The following ARHGAP22 variants were observed in gnomAD, a reference collection of about 807,000 sequenced individuals.
ARHGAP22 encodes the protein rho GTPase-activating protein 22.
In ARHGAP22, 48 loss-of-function variants were observed where a neutral mutation model predicts 59.1. The observed-to-expected ratio is 0.81, with a 90% CI of 0.64 to 1.03. ARHGAP22 has a LOEUF of 1.03. ARHGAP22 is among the 50% of genes least tolerant of loss of function. The pLI is 0.00. For synonymous variants in ARHGAP22, 445 were observed against 416.4 expected, an observed-to-expected ratio of 1.07 and a Z score of -0.84; for missense variants, 1,015 against 958.7, an observed-to-expected ratio of 1.06 and a Z score of -0.78.
intron 3 of ARHGAP22, among the ~76,000 whole-genome samples, chr10:48,533,893 C>A (rs2055101091): frequency 6.6e-6 from 1 of 152,248 alleles, no homozygotes; most frequent in African/African-American, 2.4e-5. Context: ...GAATTCTCTC[C>A]AAGATGTCTA....
intron 3 of ARHGAP22, among the ~76,000 whole-genome samples, chr10:48,531,715 G>A (rs1041517438): frequency 1.6e-4 from 24 of 151,804 alleles, no homozygotes; most frequent in African/African-American, 5.8e-4. Flanking sequence ...ATTTGCACAA[G>A]GTCACAACAG....
intron 2 of ARHGAP22, among the ~76,000 whole-genome samples, chr10:48,559,298 G>T (rs11592077): frequency 0.13 from 19,151 of 152,024 alleles, 1,595 homozygotes; most frequent in Middle Eastern, 0.27. Flanking sequence ...CAAATGTTGG[G>T]CCCTTTCCCC....
At chr10:48,493,599 C>G in intron 3 of ARHGAP22, 1 of 1,477,230 alleles carries the variant, frequency 6.8e-7, no homozygotes, top group Non-Finnish European at 9.0e-7. Flanking sequence ...AGGGCTGCGG[C>G]CACTCGGCTG....
the ARHGAP22 span, chr10:48,430,954 A>G: frequency 1.9e-6 from 1 of 525,206 alleles, no homozygotes; most frequent in Non-Finnish European, 3.4e-6. Flanking sequence ...AACCAACTTC[A>G]GAAACAGTGA....
At chr10:48,477,441 C>T (rs145728260) in intron 4 of ARHGAP22, among the ~76,000 whole-genome samples, 8 of 152,260 alleles carry the variant, frequency 5.3e-5, no homozygotes, top group African/African-American at 7.2e-5. Context: ...TAGTGTCAGG[C>T]TATCATCAAT....
At chr10:48,437,404 G>A in the ARHGAP22 span, 5 of 151,910 alleles carry the variant, frequency 3.3e-5, no homozygotes, top group African/African-American at 1.2e-4. Flanking sequence ...GGTAGTACTT[G>A]TATGAAACCA....
chr10:48,559,650 A>T (rs1366981206), intron 2 of ARHGAP22, among the ~76,000 whole-genome samples: 5 of 152,194 alleles, frequency 3.3e-5, no homozygotes, highest in Admixed American at 6.5e-5. Flanking sequence ...GAATCTTATG[A>T]CATATTTATT....
the ARHGAP22 span, chr10:48,430,784 A>G: frequency 9.6e-6 from 2 of 208,372 alleles, no homozygotes; most frequent in South Asian, 1.7e-4. Flanking sequence ...CCCACAGTGC[A>G]CCAGGCTCTA....
At position 48,453,437 on chromosome 10, in the gene ARHGAP22, G is replaced by A. The variant is rs759193301; in HGVS notation, c.867-12C>T. 8 of 1,613,376 alleles carry A rather than the reference G, an allele frequency of 5.0e-6. No homozygotes were observed. The highest frequency in any genetic ancestry group is 6.8e-6 in the Non-Finnish European group (8 of 1,179,632). On this transcript the variant is annotated splice_polypyrimidine_tract_variant and intron_variant, in intron 7 of 9. Transcript: ENST00000249601. ...CTTCATCCAGAAACCTGCAAAGTAAGGAAGCAGCAGTCATCAAAGAAGCAA... is the reference window on the plus strand; with the variant it reads ...CTTCATCCAGAAACCTGCAAAGTAAAGAAGCAGCAGTCATCAAAGAAGCAA...
chr10:48,480,634 C>T (rs1161588005), intron 3 of ARHGAP22, among the ~76,000 whole-genome samples: 1 of 152,192 alleles, frequency 6.6e-6, no homozygotes, highest in Non-Finnish European at 1.5e-5. Flanking sequence ...ACAGGACCAG[C>T]GCTTACTGAG....
chr10:48,616,018 T>C (rs1467144450), intron 1 of ARHGAP22, among the ~76,000 whole-genome samples: 1 of 152,032 alleles, frequency 6.6e-6, no homozygotes. Flanking sequence ...TATTGTCAAG[T>C]ACAAGAACAC....
Position 48,596,892 on chromosome 10 carries a change from C to G in ARHGAP22, c.34+7871G>C, listed in dbSNP as rs532893916. Among the ~76,000 whole-genome samples the G allele has an allele frequency of 2.0e-5, 3 of 152,262 alleles. No individual in the cohort carries two copies. The East Asian group carries it at 5.8e-4, about 29-fold the overall frequency. ...GGTGCCCAGCTTCCTCCCTCTCACA[C>G]CACACACCTGGGTCTCTCCAAGCTG... is the stretch of plus-strand genomic sequence containing the variant. On this transcript the variant is annotated intron_variant, in intron 1 of 9. Coordinates refer to ENST00000249601, the MANE Select transcript of ARHGAP22 (RefSeq NM_021226.4).
intron 3 of ARHGAP22, among the ~76,000 whole-genome samples, chr10:48,516,789 C>A (rs2053332154): frequency 1.3e-5 from 2 of 152,156 alleles, no homozygotes; most frequent in Admixed American, 6.5e-5. Flanking sequence ...CAAGACATCA[C>A]AAGAAAACTA....
At chr10:48,430,932 C>A in the ARHGAP22 span, 1 of 476,516 alleles carries the variant, frequency 2.1e-6, no homozygotes, top group Non-Finnish European at 3.7e-6. Flanking sequence ...AGCTTCTACC[C>A]CAGCACTATC....
chr10:48,630,327 T>C (rs1802623035), intron 1 of ARHGAP22, among the ~76,000 whole-genome samples: 1 of 152,144 alleles, frequency 6.6e-6, no homozygotes. Flanking sequence ...CTTGACTTGG[T>C]GATCCACCCA....
At chr10:48,479,546 G>A (rs2049074592) in intron 4 of ARHGAP22, 90 bp downstream of exon 4, 1 of 1,603,670 alleles carries the variant, frequency 6.2e-7, no homozygotes, top group Admixed American at 1.7e-5. Flanking sequence ...TCCTCAGTGA[G>A]CAGGGTCTTT....
At chr10:48,614,878 G>T (rs1319268317) in intron 1 of ARHGAP22, among the ~76,000 whole-genome samples, 1 of 152,234 alleles carries the variant, frequency 6.6e-6, no homozygotes, top group Non-Finnish European at 1.5e-5. Context: ...TTACCCAAAA[G>T]CTGGTTCAAA....
At chr10:48,576,558 T>C (rs1027171532) in intron 2 of ARHGAP22, among the ~76,000 whole-genome samples, 2 of 152,182 alleles carry the variant, frequency 1.3e-5, no homozygotes, top group African/African-American at 4.8e-5. Context: ...TGGCTCTGAC[T>C]TGTCTTATTT....
intron 3 of ARHGAP22, among the ~76,000 whole-genome samples, chr10:48,530,346 A>C (rs1285210420): frequency 6.6e-6 from 1 of 151,834 alleles, no homozygotes; most frequent in Non-Finnish European, 1.5e-5. Context: ...ACCCTTTTAG[A>C]CATTGGCTTA....
Sources: allele counts gnomAD v4.1 joint callset (sites outside exome capture counted in the v4.1 genomes callset), GRCh38; gene constraint gnomAD v4.1.1; transcripts MANE v1.5; gene names NCBI Gene and HGNC (gene_info 2026-07-23, HGNC 2026-07-21).